ITFG2: variants seen among roughly 807,000 people sequenced by gnomAD.
ITFG2 encodes integrin alpha FG-GAP repeat containing 2, also known as KICSTOR complex protein ITFG2.
A neutral mutation model predicts 54.4 loss-of-function variants in ITFG2; 36 were observed. The ratio of observed to expected loss-of-function variants is 0.66; its 90% CI spans 0.51 to 0.87. ITFG2 has a LOEUF of 0.87. ITFG2 is among the 40% of genes least tolerant of loss of function. The probability of loss-of-function intolerance (pLI) is 0.00; values close to 1 mark genes in which losing one functional copy is unlikely to be tolerated. For missense variants in ITFG2, 524 were observed against 576.7 expected (o/e 0.91, Z 0.94); for synonymous variants, 211 against 225.4 (o/e 0.94, Z 0.57).
intron 2 of ITFG2, chr12:2,857,123 G>A (rs1447327443): frequency 2.9e-6 from 2 of 701,686 alleles, no homozygotes; most frequent in African/African-American, 3.5e-5. Context: ...TGCTGCTTGA[G>A]TGGTGATGCA....
intron 1 of ITFG2, among the ~76,000 whole-genome samples, chr12:2,813,635 A>T (rs141761835): frequency 1.1e-3 from 175 of 152,272 alleles, no homozygotes; most frequent in African/African-American, 3.8e-3. Context: ...TGCAGACTTT[A>T]TCTTTTCATT....
intron 2 of ITFG2, among the ~76,000 whole-genome samples, chr12:2,853,580 T>G (rs531115210): frequency 4.3e-4 from 66 of 151,944 alleles, no homozygotes; most frequent in African/African-American, 1.4e-3. Flanking sequence ...GCCTGTTTTT[T>G]TTGTTGTTGT....
At chr12:2,850,738 T>C (rs536946204) in intron 2 of ITFG2, among the ~76,000 whole-genome samples, 1 of 151,662 alleles carries the variant, frequency 6.6e-6, no homozygotes, top group South Asian at 2.1e-4. Flanking sequence ...AGTGGCACGA[T>C]CTTGGCTCAC....
At chr12:2,849,580 C>G in intron 2 of ITFG2, 1 of 1,526,694 alleles carries the variant, frequency 6.6e-7, no homozygotes, top group Non-Finnish European at 8.8e-7. Context: ...GATCCAGGGA[C>G]AGTGGAGAGA....
intron 2 of ITFG2, among the ~76,000 whole-genome samples, chr12:2,856,127 C>G (rs1478327599): frequency 6.6e-6 from 1 of 152,170 alleles, no homozygotes; most frequent in Non-Finnish European, 1.5e-5. Context: ...CCCCACAACT[C>G]TATGAGCAAG....
downstream of ITFG2, chr12:2,828,330 A>G (rs1428844653): frequency 6.2e-7 from 1 of 1,613,676 alleles, no homozygotes; most frequent in Non-Finnish European, 8.5e-7. Context: ...CCACATTCTT[A>G]CCCCAGGCGG....
intron 4 of ITFG2, chr12:2,819,757 G>GAAAA: frequency 5.5e-6 from 1 of 181,080 alleles, no homozygotes; most frequent in Non-Finnish European, 1.1e-5. Context: ...AACATTTGGT[G>GAAAA]AAAAAAAAAA....
At position 2,812,943 on chromosome 12, in the gene ITFG2, G is replaced by A; in HGVS notation, c.96+87G>A. 3.6e-6 allele frequency: 4 copies of A among 1,126,364 alleles called. No individual in the cohort carries two copies. In the South Asian group the frequency reaches 5.2e-5, roughly 15 times the overall value. 69.8% of individuals were successfully genotyped at this position (1,126,364 alleles called of 1,614,324 possible). On this transcript the variant is annotated intron_variant, in intron 1 of 11. Transcript: ENST00000228799. ...GGAAGAGGCCGCCCGAGCGTGCCAC[G>A]TGAGCGTGAGCATGCGCGCTGTGGC...
At chr12:2,857,742 T>G (rs980622651) in intron 2 of ITFG2, 1 of 152,460 alleles carries the variant, frequency 6.6e-6, no homozygotes, top group African/African-American at 2.4e-5. Flanking sequence ...ACCCATGCGG[T>G]CAGCTGGGGC....
In ITFG2 at chr12:2,823,779, C is replaced by A; in HGVS notation, c.1076C>A (p.Ala359Asp). The A allele has an allele frequency of 6.4e-7, 1 of 1,568,128 alleles. No individual in the cohort carries two copies. The highest frequency in any genetic ancestry group is 1.2e-5 in the South Asian group (1 of 83,262). ...TGCCAACATCTTCCAGGCCTGTACGCCTGCAAAGAGGGCCGCAACAGCCCC... is the reference window on the plus strand; with the variant it reads ...TGCCAACATCTTCCAGGCCTGTACGACTGCAAAGAGGGCCGCAACAGCCCC... Reference protein sequence around the residue: ...NIRAFCAGLYACKEGRNSPCL... With the variant: ...NIRAFCAGLYDCKEGRNSPCL... The change falls in exon 11 of 12, where the codon GCC (alanine) becomes GAC (aspartate). Residue 359 changes from alanine to aspartate, a missense_variant. Coordinates refer to ENST00000228799, the MANE Select transcript of ITFG2 (RefSeq NM_018463.4).
chr12:2,823,657 G>C (rs1483500342), intron 10 of ITFG2, 113 bp from the exon 11 acceptor site: 31 of 1,299,614 alleles, frequency 2.4e-5, no homozygotes, highest in Non-Finnish European at 3.1e-5. Context: ...TTTTTTTCCT[G>C]ACATCAGTGG....
rs1471177808 is a variant in ITFG2 at position 2,855,428 on chromosome 12, ACT to A, written n.301-2582_301-2581del. On this transcript the variant is annotated intron_variant and non_coding_transcript_variant, in intron 2 of 3. Coordinates refer to the ITFG2 transcript ENST00000537710. Reference sequence around the variant, plus strand: ...GCCCACGTTTGGGAGGGTGGGAGGGACTCGCTGGCCTGGACCATCTAGGGAGA... The same window carrying A: ...GCCCACGTTTGGGAGGGTGGGAGGGACGCTGGCCTGGACCATCTAGGGAGA... 2.7e-6 allele frequency: 4 copies of A among 1,467,322 alleles called. No individual in the cohort carries two copies. The African/African-American group carries it at 5.6e-5, about 21-fold the overall frequency. The allele number at this position is 1,467,322 out of a possible 1,614,324, so 90.9% of individuals were successfully genotyped here. A position where few individuals can be genotyped will look rare whatever the true frequency, so the allele number is the denominator to read the frequency against.
At chr12:2,847,981 T>C (rs2098058125) in intron 2 of ITFG2, among the ~76,000 whole-genome samples, 1 of 152,242 alleles carries the variant, frequency 6.6e-6, no homozygotes, top group Non-Finnish European at 1.5e-5. Context: ...GGGCCACCAG[T>C]GTGCTACACA....
rs1002661417 is a variant in ITFG2, at chr12:2,843,670, G to A, written n.300+2675G>A. Among the ~76,000 whole-genome samples the A allele has an allele frequency of 6.6e-5, 10 of 152,300 alleles. No individual in the cohort carries two copies. In the East Asian group the frequency reaches 1.9e-3, roughly 29 times the overall value. On this transcript the variant is annotated intron_variant and non_coding_transcript_variant, in intron 2 of 3. Transcript: ENST00000537710. Reference sequence around the variant, plus strand: ...TCCACTAAAAATACAAAAATTAGGTGGGCATGGTGGCGTGCGCCCATAGTC... The same window carrying A: ...TCCACTAAAAATACAAAAATTAGGTAGGCATGGTGGCGTGCGCCCATAGTC...
chr12:2,858,959 C>T (rs1481376270), intron 3 of ITFG2: 1 of 1,613,532 alleles, frequency 6.2e-7, no homozygotes, highest in South Asian at 1.1e-5. Context: ...TGCTGAGATC[C>T]ATCAGCCCCA....
At chr12:2,851,894 G>A (rs1233974218) in intron 2 of ITFG2, among the ~76,000 whole-genome samples, 1 of 151,990 alleles carries the variant, frequency 6.6e-6, no homozygotes, top group Non-Finnish European at 1.5e-5. Flanking sequence ...GGCCAGGCTG[G>A]TCTTGAACTC....
At chr12:2,854,839 G>A in intron 2 of ITFG2, 1 of 1,461,706 alleles carries the variant, frequency 6.8e-7, no homozygotes, top group East Asian at 2.5e-5. Context: ...CTGAGAGAGG[G>A]AGGGGTCACC....
chr12:2,857,650 G>A (rs1479739665), intron 2 of ITFG2: 2 of 153,764 alleles, frequency 1.3e-5, no homozygotes, highest in Admixed American at 1.3e-4. Flanking sequence ...GGTGCCTTAG[G>A]AATCAGACGC....
downstream of ITFG2, chr12:2,828,018 G>C (rs1275691806): frequency 2.5e-6 from 4 of 1,614,160 alleles, no homozygotes; most frequent in Admixed American, 5.0e-5. Flanking sequence ...CAGGTCCCCA[G>C]CTGAGGCTTT....
Sources: gnomAD v4.1 joint callset for allele counts (sites outside exome capture counted in the v4.1 genomes callset) on GRCh38, gnomAD v4.1.1 for gene constraint, MANE v1.5 for transcripts, NCBI Gene and HGNC (gene_info 2026-07-23, HGNC 2026-07-21) for gene names.